ACTR3C: variants seen among roughly 807,000 people sequenced by gnomAD.
ACTR3C encodes actin related protein 3C, also known as actin-related protein 3C.
ACTR3C carries 18 observed loss-of-function variants against 26.3 expected under a neutral mutation model. The observed-to-expected ratio is 0.68, with a 90% CI of 0.47 to 1.01. The LOEUF (loss-of-function observed/expected upper bound fraction) is 1.01. Among genes scored for constraint, ACTR3C ranks in the 50% least tolerant of loss-of-function variants. ACTR3C has a pLI of 0.00. For missense variants in ACTR3C, 184 were observed against 250.7 expected, an observed-to-expected ratio of 0.73 and a Z score of 1.80; for synonymous variants, 55 against 94.5, an observed-to-expected ratio of 0.58 and a Z score of 2.42.
At chr7:150,059,176 C>T in the ACTR3C span, among the ~76,000 whole-genome samples, 1 of 152,192 alleles carries the variant, frequency 6.6e-6, no homozygotes, top group African/African-American at 2.4e-5. Context: ...GCATCAGACG[C>T]TCATCTATGG....
chr7:150,198,389 A>G, the ACTR3C span, among the ~76,000 whole-genome samples: 3 of 139,652 alleles, frequency 2.1e-5, no homozygotes, highest in Admixed American at 1.4e-4. Context: ...CATCCCATCT[A>G]GGAAGTGAGG....
At chr7:150,084,154 G>A in the ACTR3C span, among the ~76,000 whole-genome samples, 5 of 151,954 alleles carry the variant, frequency 3.3e-5, no homozygotes, top group Non-Finnish European at 7.4e-5. Context: ...TTACATGTGT[G>A]AGCCACCATG....
chr7:149,899,619 G>A, the ACTR3C span, among the ~76,000 whole-genome samples: 13 of 130,424 alleles, frequency 1.0e-4, no homozygotes, highest in Middle Eastern at 3.8e-3. Context: ...AAAAAACAGA[G>A]CCCAGAGCCT....
At chr7:150,263,236 C>A (rs1833781316) in intron 6 of ACTR3C, among the ~76,000 whole-genome samples, 1 of 151,740 alleles carries the variant, frequency 6.6e-6, no homozygotes, top group African/African-American at 2.4e-5. Context: ...TATGTATAGT[C>A]CAGTGGCGAT....
At chr7:149,893,413 CTAA>C in the ACTR3C span, among the ~76,000 whole-genome samples, 1 of 152,148 alleles carries the variant, frequency 6.6e-6, no homozygotes, top group Non-Finnish European at 1.5e-5. Context: ...ATGTCAATAA[CTAA>C]TAATAATAAT....
At chr7:150,024,083 G>A in the ACTR3C span, among the ~76,000 whole-genome samples, 1 of 151,082 alleles carries the variant, frequency 6.6e-6, no homozygotes, top group Non-Finnish European at 1.5e-5. Context: ...GGCCATGACG[G>A]TGCCTGAAAG....
At chr7:150,035,381 T>C in the ACTR3C span, among the ~76,000 whole-genome samples, 2 of 38,506 alleles carry the variant, frequency 5.2e-5, no homozygotes, top group African/African-American at 1.0e-4. Flanking sequence ...TGCCTCCCCC[T>C]CGTGCGATGG....
chr7:150,181,834 A>C, the ACTR3C span, among the ~76,000 whole-genome samples: 1 of 150,560 alleles, frequency 6.6e-6, no homozygotes, highest in Non-Finnish European at 1.5e-5. Context: ...AAAATACTGA[A>C]ATTGAGTATA....
At chr7:150,036,616 T>C in the ACTR3C span, among the ~76,000 whole-genome samples, 2 of 143,602 alleles carry the variant, frequency 1.4e-5, no homozygotes, top group African/African-American at 2.5e-5. Flanking sequence ...GGATCCACAG[T>C]CTACGAAACC....
At chr7:150,212,289 C>A in the ACTR3C span, among the ~76,000 whole-genome samples, 4 of 149,168 alleles carry the variant, frequency 2.7e-5, no homozygotes, top group Admixed American at 1.3e-4. Context: ...TAAAAAAAAT[C>A]CAACAAATAA....
At chr7:149,917,869 C>T in the ACTR3C span, among the ~76,000 whole-genome samples, 1 of 151,552 alleles carries the variant, frequency 6.6e-6, no homozygotes, top group African/African-American at 2.4e-5. Context: ...CAGTCTCAAA[C>T]CCCAAACTTC....
the ACTR3C span, among the ~76,000 whole-genome samples, chr7:150,172,293 A>G: frequency 6.6e-6 from 1 of 150,602 alleles, no homozygotes; most frequent in African/African-American, 2.5e-5. Context: ...AGTTCCACAT[A>G]GCTGGGGAGG....
chr7:149,929,216 T>C, the ACTR3C span, among the ~76,000 whole-genome samples: 1 of 151,904 alleles, frequency 6.6e-6, no homozygotes, highest in African/African-American at 2.4e-5. Flanking sequence ...TTGCTTGAGA[T>C]CAGGATTCAA....
At chr7:150,113,224 T>A in the ACTR3C span, among the ~76,000 whole-genome samples, 1 of 149,028 alleles carries the variant, frequency 6.7e-6, no homozygotes, top group Admixed American at 6.8e-5. Context: ...GGAATGAGAC[T>A]GACATTTAGT....
the ACTR3C span, chr7:150,001,280 G>C: frequency 1.3e-5 from 2 of 152,062 alleles, no homozygotes; most frequent in Non-Finnish European, 2.9e-5. Context: ...CTGATTTAGG[G>C]GAAAAACATT....
At chr7:150,021,979 T>C in the ACTR3C span, among the ~76,000 whole-genome samples, 1 of 152,032 alleles carries the variant, frequency 6.6e-6, no homozygotes, top group Admixed American at 6.5e-5. Context: ...GCTGGGTAGA[T>C]ACACAGTAGT....
At chr7:149,929,705 A>G in the ACTR3C span, among the ~76,000 whole-genome samples, 1 of 151,940 alleles carries the variant, frequency 6.6e-6, no homozygotes, top group East Asian at 2.0e-4. Context: ...TAATTTTTGT[A>G]TTTTTAGTAG....
At chr7:150,203,237 G>T in the ACTR3C span, among the ~76,000 whole-genome samples, 2 of 152,224 alleles carry the variant, frequency 1.3e-5, no homozygotes, top group Non-Finnish European at 2.9e-5. Context: ...TGTTTGAGAA[G>T]AAGCATTGCA....
intron 6 of ACTR3C, among the ~76,000 whole-genome samples, chr7:150,259,267 G>GAA (rs200531082): frequency 0.018 from 2,196 of 123,110 alleles, 49 homozygotes; most frequent in African/African-American, 0.069. Flanking sequence ...AGAGAAAGAA[G>GAA]AAAGAAAAAG....
Sources: allele counts gnomAD v4.1 joint callset (sites outside exome capture counted in the v4.1 genomes callset), GRCh38; gene constraint gnomAD v4.1.1; transcripts MANE v1.5; gene names NCBI Gene and HGNC (gene_info 2026-07-23, HGNC 2026-07-21).